The following PPIE variants were observed in gnomAD, a reference collection of about 807,000 sequenced individuals.
PPIE encodes peptidylprolyl isomerase E, also known as peptidyl-prolyl cis-trans isomerase E.
In PPIE, 20 loss-of-function variants were observed where a neutral mutation model predicts 38.4. The ratio of observed to expected loss-of-function variants is 0.52; its 90% CI spans 0.37 to 0.76. The LOEUF is 0.76. Among genes scored for constraint, PPIE ranks in the 30% least tolerant of loss-of-function variants. PPIE has a pLI of 0.00. For missense variants in PPIE, 322 were observed against 385.8 expected, an observed-to-expected ratio of 0.83 and a Z score of 1.39; for synonymous variants, 142 against 135.7, an observed-to-expected ratio of 1.05 and a Z score of -0.32.
intron 9 of PPIE, chr1:39,763,250 A>C (rs779434018): frequency 1.9e-6 from 3 of 1,539,098 alleles, no homozygotes; most frequent in Non-Finnish European, 2.7e-6. Context: ...CCCCTCCCTG[A>C]GCCTCAGGGC....
chr1:39,757,153 C>T (rs1648365865), downstream of PPIE: 1 of 152,122 alleles, frequency 6.6e-6, no homozygotes, highest in Non-Finnish European at 1.5e-5. Context: ...TAGGAAAGAG[C>T]ACAGCTCTGA....
chr1:39,741,336 A>G lies in PPIE; in HGVS notation c.131-30A>G, dbSNP rs181495926. The G allele has an allele frequency of 4.0e-4, 652 of 1,609,904 alleles. 3 individuals are homozygous for G. The highest frequency in any genetic ancestry group is 3.0e-3 in the Middle Eastern group (18 of 6,050). On this transcript the variant is annotated intron_variant, in intron 2 of 9. Coordinates refer to ENST00000324379, the MANE Select transcript of PPIE (RefSeq NM_006112.4). The stretch of plus-strand genomic sequence containing the variant: ...TTTCTTCCCACTACCCCACATAGTA[A>G]TTACTTGTTTTTGTTTTTCCATTTT...
At chr1:39,739,719 G>A (rs112944932) in intron 1 of PPIE, among the ~76,000 whole-genome samples, 4 of 152,232 alleles carry the variant, frequency 2.6e-5, no homozygotes, top group African/African-American at 9.6e-5. Flanking sequence ...TGACACTTGG[G>A]GGCAAGTGGG....
Position 39,738,946 on chromosome 1 carries a change from T to C in PPIE, c.31+15T>C. On this transcript the variant is annotated intron_variant, in intron 1 of 9. Coordinates refer to ENST00000324379, the MANE Select transcript of PPIE (RefSeq NM_006112.4). Reference sequence around the variant, plus strand: ...CTTGTACGTGGGTGAGCAGGAGGGGTTGCTAGGCGGAGTCTGAGTGAACGC... The same window carrying C: ...CTTGTACGTGGGTGAGCAGGAGGGGCTGCTAGGCGGAGTCTGAGTGAACGC... The C allele has an allele frequency of 6.8e-7, 1 of 1,463,810 alleles. No individual in the cohort carries two copies. Among genetic ancestry groups the C allele is most frequent in the Non-Finnish European group, 9.0e-7 (1 of 1,105,064 alleles). The allele number at this position is 1,463,810 out of a possible 1,614,324, so 90.7% of individuals were successfully genotyped here. A position where few individuals can be genotyped will look rare whatever the true frequency, so the allele number is the denominator to read the frequency against.
chr1:39,745,525 G>A (rs1647179794), intron 7 of PPIE, 27 bp downstream of exon 7: 4 of 1,613,808 alleles, frequency 2.5e-6, no homozygotes, highest in Non-Finnish European at 3.4e-6. Flanking sequence ...GGTCAGAACG[G>A]CGGGACGCTG....
intron 8 of PPIE, among the ~76,000 whole-genome samples, chr1:39,751,798 T>G (rs1359021814): frequency 6.6e-6 from 1 of 152,126 alleles, no homozygotes; most frequent in Non-Finnish European, 1.5e-5. Flanking sequence ...TCAAAAACAC[T>G]TTCAGGCCAG....
At position 39,754,107 on chromosome 1, in the gene PPIE, T is replaced by C. The variant is rs140548519; in HGVS notation, c.*752T>C. ...GGAGACAGGAAGCCAACAAACTACA[T>C]GTGCCTAATCCAGCCCACTGCCTGT... On this transcript the variant is annotated 3_prime_UTR_variant, in exon 10 of 10. Transcript: ENST00000324379. 2.0e-6 allele frequency: 2 copies of C among 975,692 alleles called. No homozygotes were observed. Among genetic ancestry groups the C allele is most frequent in the East Asian group, 2.3e-4 (2 of 8,764 alleles). 60.4% of individuals were successfully genotyped at this position (975,692 alleles called of 1,614,324 possible). A position where few individuals can be genotyped will look rare whatever the true frequency, so the allele number is the denominator to read the frequency against.
chr1:39,741,579 A>G, intron 3 of PPIE, 170 bp downstream of exon 3: 1 of 710,250 alleles, frequency 1.4e-6, no homozygotes, highest in East Asian at 2.6e-5. Flanking sequence ...ATCAGACTGG[A>G]CTGTGAATAA....
At chr1:39,760,577 G>T, downstream of PPIE, 1 of 1,612,966 alleles carries the variant, frequency 6.2e-7, no homozygotes, top group East Asian at 2.2e-5. Flanking sequence ...ACCTGGCCAG[G>T]AAGAGGGCAC....
intron 2 of PPIE, 130 bp from the exon 3 acceptor site, chr1:39,741,236 T>G (rs1647049633): frequency 2.7e-6 from 2 of 747,896 alleles, no homozygotes; most frequent in Admixed American, 4.6e-5. Context: ...GATTCCTTCT[T>G]CCTAAATAGT....
intron 6 of PPIE, among the ~76,000 whole-genome samples, chr1:39,744,202 A>G (rs532708857): frequency 2.0e-5 from 3 of 152,322 alleles, no homozygotes; most frequent in East Asian, 1.9e-4. Flanking sequence ...GTGATTATCA[A>G]CTGACAGGGA....
In PPIE at chr1:39,752,704, A is replaced by G. The variant is rs117011526; in HGVS notation, c.695-206A>G. On this transcript the variant is annotated intron_variant, in intron 8 of 9. Transcript: ENST00000324379. ...TAAATAAATGAATTAATGAAAGAAC[A>G]GACCAGTATAAAGTGATTGAAACAC... is the stretch of plus-strand genomic sequence containing the variant. 2.5e-3 allele frequency among the ~76,000 whole-genome samples: 380 copies of G among 152,390 alleles called. 15 individuals are homozygous for G. In the East Asian group the frequency reaches 0.068, roughly 27 times the overall value.
intron 9 of PPIE, chr1:39,763,624 C>G: frequency 7.3e-7 from 1 of 1,374,112 alleles, no homozygotes; most frequent in Non-Finnish European, 9.7e-7. Flanking sequence ...AAATTGAAGT[C>G]ACCATGATTC....
chr1:39,760,396 G>A, downstream of PPIE: 1 of 1,612,544 alleles, frequency 6.2e-7, no homozygotes, highest in Non-Finnish European at 8.5e-7. Flanking sequence ...AAGGGTGGCT[G>A]CAGCTGGGCC....
At chr1:39,750,327 C>A (rs1209145926) in intron 8 of PPIE, among the ~76,000 whole-genome samples, 1 of 152,184 alleles carries the variant, frequency 6.6e-6, no homozygotes, top group Non-Finnish European at 1.5e-5. Context: ...TGAAACCACT[C>A]TTGCCAAAAA....
Position 39,754,208 on chromosome 1 carries a change from A to G in PPIE, c.*853A>G, listed in dbSNP as rs867432885. ...ATTGTCCATGGTGGTTTCTTACTGC[A>G]GTGGCAGAGGTGCGTAAGGGGCTAT... On this transcript the variant is annotated 3_prime_UTR_variant, in exon 10 of 10. Coordinates refer to ENST00000324379, the MANE Select transcript of PPIE (RefSeq NM_006112.4). The G allele has an allele frequency of 2.6e-5, 13 of 498,950 alleles. No individual in the cohort carries two copies. The highest frequency in any genetic ancestry group is 2.0e-3 in the Middle Eastern group (2 of 996). The allele number at this position is 498,950 out of a possible 1,614,324, so 30.9% of individuals were successfully genotyped here. A position where few individuals can be genotyped will look rare whatever the true frequency, so the allele number is the denominator to read the frequency against.
In PPIE at chr1:39,753,467, T is replaced by C; in HGVS notation, c.*112T>C. On this transcript the variant is annotated 3_prime_UTR_variant, in exon 10 of 10. Coordinates refer to ENST00000324379, the MANE Select transcript of PPIE (RefSeq NM_006112.4). ...GTGCCTGTTTGAAGCAAGCAGCATT[T>C]GGGATATGTGCCCTTCCTCAGGGTC... 1 of 1,517,940 alleles carries C rather than the reference T, an allele frequency of 6.6e-7. No homozygotes were observed. Among genetic ancestry groups the C allele is most frequent in the East Asian group, 2.3e-5 (1 of 43,054 alleles). The allele number at this position is 1,517,940 out of a possible 1,614,324, so 94.0% of individuals were successfully genotyped here. A position where few individuals can be genotyped will look rare whatever the true frequency, so the allele number is the denominator to read the frequency against.
chr1:39,761,479 G>A (rs1648973231), downstream of PPIE: 1 of 151,968 alleles, frequency 6.6e-6, no homozygotes, highest in African/African-American at 2.4e-5. Flanking sequence ...CCTTCTGGAG[G>A]GTGACATGGA....
chr1:39,756,239 A>G lies in PPIE; in HGVS notation c.*2884A>G, dbSNP rs1046382038. The stretch of plus-strand genomic sequence containing the variant: ...GTGGGCGTCCTTTCCTGCAGCCTGG[A>G]GAGCAAAGCGGCTTTCCCTGGGACT... On this transcript the variant is annotated 3_prime_UTR_variant, in exon 10 of 10. Coordinates refer to ENST00000324379, the MANE Select transcript of PPIE (RefSeq NM_006112.4). The G allele has an allele frequency of 7.1e-6, 7 of 985,340 alleles. No individual in the cohort carries two copies. The highest frequency in any genetic ancestry group is 1.7e-5 in the African/African-American group (1 of 57,238). 61.0% of individuals were successfully genotyped at this position (985,340 alleles called of 1,614,324 possible). A position where few individuals can be genotyped will look rare whatever the true frequency, so the allele number is the denominator to read the frequency against.
Sources: gnomAD v4.1 joint callset for allele counts (sites outside exome capture counted in the v4.1 genomes callset) on GRCh38, gnomAD v4.1.1 for gene constraint, MANE v1.5 for transcripts, NCBI Gene and HGNC (gene_info 2026-07-23, HGNC 2026-07-21) for gene names.